Variants in PDZRN4 observed in about 807,000 individuals in gnomAD.
PDZRN4 encodes PDZ domain-containing RING finger protein 4.
Under a neutral mutation model 99.0 loss-of-function variants are expected in PDZRN4, and 70 were observed. That is an observed-to-expected ratio of 0.71 (90% CI 0.58 to 0.86). The LOEUF is 0.86. PDZRN4 is among the 40% of genes least tolerant of loss of function. The probability of loss-of-function intolerance (pLI) is 0.00; values close to 1 mark genes in which losing one functional copy is unlikely to be tolerated. For missense variants in PDZRN4, 1,474 were observed against 1,331.2 expected (o/e 1.11, Z -1.67); for synonymous variants, 551 against 501.6 (o/e 1.10, Z -1.32).
chr12:41,545,410 T>C (rs940067769), intron 5 of PDZRN4, among the ~76,000 whole-genome samples: 6 of 152,268 alleles, frequency 3.9e-5, no homozygotes, highest in African/African-American at 1.4e-4. Context: ...TTTTATGATC[T>C]CTTCAAAATT....
At chr12:41,221,636 G>C (rs1474042557) in intron 3 of PDZRN4, among the ~76,000 whole-genome samples, 1 of 151,942 alleles carries the variant, frequency 6.6e-6, no homozygotes, top group Non-Finnish European at 1.5e-5. Flanking sequence ...AGTAATTTAA[G>C]GCTTTTCAGG....
intron 3 of PDZRN4, among the ~76,000 whole-genome samples, chr12:41,367,551 T>G (rs1038131562): frequency 1.3e-5 from 2 of 151,888 alleles, no homozygotes; most frequent in African/African-American, 4.8e-5. Flanking sequence ...AAACATTATG[T>G]TTCCTAGCAA....
intron 3 of PDZRN4, among the ~76,000 whole-genome samples, chr12:41,236,765 T>C (rs911909546): frequency 6.6e-6 from 1 of 152,154 alleles, no homozygotes; most frequent in Admixed American, 6.5e-5. Context: ...TTCTTCCCAC[T>C]TTATTAGCTC....
intron 3 of PDZRN4, among the ~76,000 whole-genome samples, chr12:41,278,919 G>A (rs1951366497): frequency 1.3e-5 from 2 of 152,138 alleles, no homozygotes; most frequent in Admixed American, 6.5e-5. Context: ...ATGGATAAAG[G>A]CCCTTATCTC....
chr12:41,515,763 T>G (rs1938390399), intron 5 of PDZRN4, among the ~76,000 whole-genome samples: 1 of 152,032 alleles, frequency 6.6e-6, no homozygotes, highest in African/African-American at 2.4e-5. Context: ...TAGTTTTTGG[T>G]GTCTTGTAGC....
chr12:41,504,315 G>C (rs1300080031), intron 3 of PDZRN4, among the ~76,000 whole-genome samples: 2 of 152,046 alleles, frequency 1.3e-5, no homozygotes, highest in Non-Finnish European at 2.9e-5. Context: ...ATAACAGACT[G>C]TGTGACTGAG....
chr12:41,502,204 G>A (rs1938123165), intron 3 of PDZRN4, among the ~76,000 whole-genome samples: 1 of 151,920 alleles, frequency 6.6e-6, no homozygotes, highest in Non-Finnish European at 1.5e-5. Context: ...GCCTCTTATC[G>A]AATATCAATG....
At chr12:41,538,963 G>A (rs1426488189) in intron 5 of PDZRN4, among the ~76,000 whole-genome samples, 1 of 151,988 alleles carries the variant, frequency 6.6e-6, no homozygotes, top group Non-Finnish European at 1.5e-5. Context: ...TTGTGAAATA[G>A]ATGATAACAC....
At chr12:41,424,786 G>A (rs1952521700) in intron 3 of PDZRN4, among the ~76,000 whole-genome samples, 1 of 152,176 alleles carries the variant, frequency 6.6e-6, no homozygotes, top group Non-Finnish European at 1.5e-5. Context: ...TTTCCACTAT[G>A]TGACTTTGTT....
chr12:41,534,370 T>C (rs1938714079), intron 5 of PDZRN4, among the ~76,000 whole-genome samples: 1 of 152,148 alleles, frequency 6.6e-6, no homozygotes, highest in Non-Finnish European at 1.5e-5. Flanking sequence ...GGTGGTTTGC[T>C]GCACCTATCA....
chr12:41,350,181 A>T (rs1951880560), intron 3 of PDZRN4, among the ~76,000 whole-genome samples: 1 of 152,084 alleles, frequency 6.6e-6, no homozygotes. Flanking sequence ...ATAAAAACAA[A>T]TAAGACATAT....
chr12:41,483,757 G>A (rs1195213923), intron 3 of PDZRN4, among the ~76,000 whole-genome samples: 2 of 151,994 alleles, frequency 1.3e-5, no homozygotes, highest in African/African-American at 4.8e-5. Context: ...AAGATTTTGG[G>A]CAGCTTATTA....
chr12:41,276,971 C>T (rs1029583346), intron 3 of PDZRN4, among the ~76,000 whole-genome samples: 1 of 152,072 alleles, frequency 6.6e-6, no homozygotes, highest in Non-Finnish European at 1.5e-5. Flanking sequence ...AAGATGGTAA[C>T]AAGAGGGGAA....
intron 3 of PDZRN4, among the ~76,000 whole-genome samples, chr12:41,469,238 G>A (rs1461045846): frequency 1.3e-5 from 2 of 151,938 alleles, no homozygotes; most frequent in African/African-American, 4.8e-5. Flanking sequence ...ATTTATGTGT[G>A]AAAAAAGGTA....
chr12:41,409,352 A>C (rs896028197), intron 3 of PDZRN4: 1 of 152,200 alleles, frequency 6.6e-6, no homozygotes, highest in Non-Finnish European at 1.5e-5. Context: ...TTCCCAAAAA[A>C]AAAGAAAACA....
At chr12:41,400,947 G>A (rs564325719) in intron 3 of PDZRN4, among the ~76,000 whole-genome samples, 1 of 152,140 alleles carries the variant, frequency 6.6e-6, no homozygotes, top group Admixed American at 6.5e-5. Context: ...TTTGGCTTTG[G>A]ATTGTATTGT....
rs759364942 is a variant in PDZRN4, at chr12:41,509,837, A to G, written c.1127A>G (p.His376Arg). The G allele has an allele frequency of 6.3e-6, 10 of 1,594,918 alleles. No individual in the cohort carries two copies. The highest frequency in any genetic ancestry group is 8.6e-6 in the Non-Finnish European group (10 of 1,165,252). The change falls in exon 5 of 10, where the codon CAT becomes CGT. Residue 376 changes from histidine to arginine, a missense_variant. By Grantham distance (29) the His-to-Arg change is conservative (BLOSUM62 0). Coordinates refer to ENST00000402685, the MANE Select transcript of PDZRN4 (RefSeq NM_001164595.2). Reference sequence around the variant, plus strand: ...TGCCATTCTCTACATCCAATGGAGCATGAATTTTATGAGGACAATGAGTAT... The same window carrying G: ...TGCCATTCTCTACATCCAATGGAGCGTGAATTTTATGAGGACAATGAGTAT... ...DSCHSLHPME[H>R]EFYEDNEYIS...
chr12:41,366,215 A>G (rs565571121), intron 3 of PDZRN4, among the ~76,000 whole-genome samples: 2 of 152,288 alleles, frequency 1.3e-5, no homozygotes, highest in African/African-American at 2.4e-5. Context: ...TCCTTTTAAA[A>G]GGTAGTTAAA....
chr12:41,493,931 T>A (rs1398934823), intron 3 of PDZRN4, among the ~76,000 whole-genome samples: 1 of 152,110 alleles, frequency 6.6e-6, no homozygotes, highest in African/African-American at 2.4e-5. Context: ...ACCGAAGTTT[T>A]AAGCTGCATC....
Sources: allele counts gnomAD v4.1 joint callset (sites outside exome capture counted in the v4.1 genomes callset), GRCh38; gene constraint gnomAD v4.1.1; transcripts MANE v1.5; gene names NCBI Gene and HGNC (gene_info 2026-07-23, HGNC 2026-07-21).